Variants in ST3GAL3 observed in about 807,000 individuals in gnomAD.
ST3GAL3 encodes the protein ST3 beta-galactoside alpha-2,3-sialyltransferase 3, also known as CMP-N-acetylneuraminate-beta-1,4-galactoside alpha-2,3-sialyltransferase.
A neutral mutation model predicts 50.1 loss-of-function variants in ST3GAL3; 21 were observed. The ratio of observed to expected loss-of-function variants is 0.42; its 90% confidence interval spans 0.30 to 0.60. The LOEUF (loss-of-function observed/expected upper bound fraction) is 0.60. Among genes scored for constraint, ST3GAL3 ranks in the 20% least tolerant of loss-of-function variants. ST3GAL3 has a pLI of 0.19. For synonymous variants in ST3GAL3, 183 were observed against 190.0 expected (o/e 0.96, Z 0.30); for missense variants, 353 against 489.4 (o/e 0.72, Z 2.63).
intron 2 of ST3GAL3, among the ~76,000 whole-genome samples, chr1:43,749,451 A>G (rs1255712449): frequency 1.3e-5 from 2 of 152,226 alleles, no homozygotes; most frequent in African/African-American, 4.8e-5. Flanking sequence ...TTACAACTGA[A>G]TAAGGAGGCA....
At position 43,779,970 on chromosome 1, in the gene ST3GAL3, T is replaced by C. The variant is rs1698822924; in HGVS notation, c.119-12132T>C. Among the ~76,000 whole-genome samples the C allele has an allele frequency of 6.6e-5, 10 of 152,344 alleles. No homozygotes were observed. The South Asian group carries it at 1.9e-3, about 28-fold the overall frequency. On this transcript the variant is annotated intron_variant, in intron 2 of 11. Transcript: ENST00000347631. The stretch of plus-strand genomic sequence containing the variant: ...TTGGGAGCCTCTGACATGCTCTCTT[T>C]GGATGGTTTGCTCTCTGTGTAGCTG...
At position 43,920,546 on chromosome 1, in the gene ST3GAL3, G is replaced by C. The variant is rs137939894; in HGVS notation, c.887G>C (p.Arg296Pro). 2 of 1,613,972 alleles carry C rather than the reference G, an allele frequency of 1.2e-6. No homozygotes were observed. The highest frequency in any genetic ancestry group is 1.7e-5 in the Admixed American group (1 of 60,020). The change falls in exon 10 of 12, where the codon CGG becomes CCG. Residue 296 changes from arginine (R) to proline (P), a missense_variant. Coordinates refer to ENST00000347631, the MANE Select transcript of ST3GAL3 (RefSeq NM_006279.5). ...GLPFNNGLMG[R>P]GNIPTLGSVA... ...CCCTTCAACAATGGCCTCATGGGCC[G>C]GGGGGTGAGATATCTGGGCCCTGGG...
chr1:43,876,807 A>G (rs2074200800), intron 5 of ST3GAL3, among the ~76,000 whole-genome samples: 1 of 152,226 alleles, frequency 6.6e-6, no homozygotes, highest in African/African-American at 2.4e-5. Context: ...ACAGGTCCCT[A>G]TCCAGTGGGC....
chr1:43,872,578 A>T (rs2073222753), intron 5 of ST3GAL3, among the ~76,000 whole-genome samples: 1 of 151,914 alleles, frequency 6.6e-6, no homozygotes, highest in East Asian at 1.9e-4. Flanking sequence ...CTTCATCTTC[A>T]CAATAATCCA....
intron 1 of ST3GAL3, among the ~76,000 whole-genome samples, chr1:43,715,956 C>T (rs558362648): frequency 4.9e-4 from 74 of 152,198 alleles, no homozygotes; most frequent in African/African-American, 1.7e-3. Flanking sequence ...ACTCATGGAC[C>T]CCCTAAAAGG....
At chr1:43,781,181 A>G (rs1699242683) in intron 2 of ST3GAL3, among the ~76,000 whole-genome samples, 1 of 152,164 alleles carries the variant, frequency 6.6e-6, no homozygotes, top group African/African-American at 2.4e-5. Context: ...CTGCTTTACA[A>G]TGAACATGCA....
chr1:43,892,367 C>G (rs1393158776), intron 5 of ST3GAL3, among the ~76,000 whole-genome samples: 1 of 152,172 alleles, frequency 6.6e-6, no homozygotes, highest in Non-Finnish European at 1.5e-5. Flanking sequence ...AAGTGATCCT[C>G]CCACCTCAGC....
chr1:43,867,125 G>T (rs1326844533), intron 5 of ST3GAL3, among the ~76,000 whole-genome samples: 1 of 152,148 alleles, frequency 6.6e-6, no homozygotes, highest in Non-Finnish European at 1.5e-5. Context: ...GCGAGACTCC[G>T]TCTCAAAATA....
chr1:43,796,896 A>T (rs1455754232), intron 3 of ST3GAL3, among the ~76,000 whole-genome samples: 3 of 152,280 alleles, frequency 2.0e-5, no homozygotes, highest in African/African-American at 7.2e-5. Flanking sequence ...TTGCAAAAAA[A>T]GTAAAGGTTA....
chr1:43,741,213 C>CA (rs1448942790), intron 2 of ST3GAL3, among the ~76,000 whole-genome samples: 4 of 151,898 alleles, frequency 2.6e-5, no homozygotes, highest in Non-Finnish European at 5.9e-5. Flanking sequence ...TCTATGGTGC[C>CA]AGCTACTCGA....
intron 1 of ST3GAL3, among the ~76,000 whole-genome samples, chr1:43,710,559 C>G (rs762810912): frequency 1.3e-5 from 2 of 152,220 alleles, no homozygotes; most frequent in Non-Finnish European, 2.9e-5. Context: ...TCCCCATTAT[C>G]TGTTGCGTTA....
chr1:43,806,733 A>G (rs1191993368), intron 3 of ST3GAL3, among the ~76,000 whole-genome samples: 1 of 152,246 alleles, frequency 6.6e-6, no homozygotes, highest in African/African-American at 2.4e-5. Flanking sequence ...CCCGTTGCCC[A>G]GGCCAGAGTG....
chr1:43,897,486 C>T (rs1275383649), intron 6 of ST3GAL3, among the ~76,000 whole-genome samples: 1 of 152,190 alleles, frequency 6.6e-6, no homozygotes, highest in Admixed American at 6.5e-5. Context: ...CACTATACAT[C>T]ATATTATAGT....
intron 1 of ST3GAL3, among the ~76,000 whole-genome samples, chr1:43,726,064 A>T (rs1043292021): frequency 6.6e-6 from 1 of 152,050 alleles, no homozygotes; most frequent in Non-Finnish European, 1.5e-5. Flanking sequence ...TTAGATGTTT[A>T]TTTGAACATT....
At chr1:43,890,369 T>C (rs1047680769) in intron 5 of ST3GAL3, among the ~76,000 whole-genome samples, 1 of 152,184 alleles carries the variant, frequency 6.6e-6, no homozygotes, top group Non-Finnish European at 1.5e-5. Flanking sequence ...GACAGTACTA[T>C]TTTTTCTGCC....
intron 5 of ST3GAL3, chr1:43,850,452 G>T: frequency 1.7e-6 from 1 of 595,344 alleles, no homozygotes; most frequent in South Asian, 1.4e-5. Flanking sequence ...GATCTGCAGG[G>T]TTAGCTCTAT....
chr1:43,713,175 C>T (rs7536221), intron 1 of ST3GAL3, among the ~76,000 whole-genome samples: 1 of 151,944 alleles, frequency 6.6e-6, no homozygotes, highest in East Asian at 1.9e-4. Context: ...AACATGTGAG[C>T]GGCATGTCTG....
intron 2 of ST3GAL3, among the ~76,000 whole-genome samples, chr1:43,771,637 G>A (rs946622906): frequency 6.6e-6 from 1 of 152,042 alleles, no homozygotes. Flanking sequence ...GATTACAGGC[G>A]TGAGCCACCG....
At chr1:43,871,436 G>A in intron 5 of ST3GAL3, among the ~76,000 whole-genome samples, 1 of 151,460 alleles carries the variant, frequency 6.6e-6, no homozygotes, top group Non-Finnish European at 1.5e-5. Flanking sequence ...CGGGGTGTGA[G>A]GGAGAAGATG....
Sources: gnomAD v4.1 joint callset for allele counts (sites outside exome capture counted in the v4.1 genomes callset) on GRCh38, gnomAD v4.1.1 for gene constraint, MANE v1.5 for transcripts, NCBI Gene and HGNC (gene_info 2026-07-23, HGNC 2026-07-21) for gene names.